The following LRP1B variants were observed in gnomAD, a reference collection of about 807,000 sequenced individuals.
The protein encoded by LRP1B is low-density lipoprotein receptor-related protein 1B.
In LRP1B, 217 loss-of-function variants were observed where a neutral mutation model predicts 556.6. The observed-to-expected ratio is 0.39, with a 90% confidence interval of 0.35 to 0.44. The LOEUF is 0.44. Among genes scored for constraint, LRP1B ranks in the 20% least tolerant of loss-of-function variants. The pLI is 1.00. For synonymous variants in LRP1B, 2,047 were observed against 1,865.8 expected, an observed-to-expected ratio of 1.10 and a Z score of -2.50; for missense variants, 5,053 against 5,620.8, an observed-to-expected ratio of 0.90 and a Z score of 3.23.
chr2:140,592,255 A>C (rs192342908), intron 43 of LRP1B, among the ~76,000 whole-genome samples: 39 of 152,300 alleles, frequency 2.6e-4, no homozygotes, highest in African/African-American at 8.9e-4. Context: ...CACTGGCTCT[A>C]ATAGAGAGTT....
chr2:141,648,820 C>A (rs1689678354), intron 2 of LRP1B, among the ~76,000 whole-genome samples: 1 of 152,142 alleles, frequency 6.6e-6, no homozygotes, highest in Non-Finnish European at 1.5e-5. Context: ...TCGAGGACAC[C>A]CTTCTCGGAT....
chr2:141,087,195 A>ATT (rs1251211730), intron 7 of LRP1B, among the ~76,000 whole-genome samples: 446 of 31,406 alleles, frequency 0.014, 2 homozygotes, highest in Non-Finnish European at 0.023. Context: ...AGTGAGTATT[A>ATT]TGCTGGTACC....
intron 2 of LRP1B, among the ~76,000 whole-genome samples, chr2:141,485,988 A>T (rs115377554): frequency 0.014 from 2,061 of 152,250 alleles, 18 homozygotes; most frequent in Non-Finnish European, 0.023. Flanking sequence ...CGAGGTGACC[A>T]GGTAGTGTAG....
At chr2:140,832,775 A>G (rs1467107781) in intron 31 of LRP1B, among the ~76,000 whole-genome samples, 1 of 152,168 alleles carries the variant, frequency 6.6e-6, no homozygotes, top group East Asian at 1.9e-4. Flanking sequence ...GAAAATTTGG[A>G]CAATCGGTAC....
At chr2:140,663,208 C>A (rs78343913) in intron 41 of LRP1B, among the ~76,000 whole-genome samples, 15,841 of 152,060 alleles carry the variant, frequency 0.1, 972 homozygotes, top group East Asian at 0.25. Context: ...CCCAAAATTC[C>A]TACTAAGATA....
intron 6 of LRP1B, among the ~76,000 whole-genome samples, chr2:141,197,791 A>G (rs1681818339): frequency 6.6e-6 from 1 of 152,096 alleles, no homozygotes; most frequent in African/African-American, 2.4e-5. Context: ...TCTTTAGTCA[A>G]TATTAAATAT....
chr2:140,579,478 A>C (rs1292758240), intron 43 of LRP1B, among the ~76,000 whole-genome samples: 4 of 152,306 alleles, frequency 2.6e-5, no homozygotes, highest in Admixed American at 2.6e-4. Context: ...ATTTGGACAC[A>C]TCTCCACACC....
intron 7 of LRP1B, among the ~76,000 whole-genome samples, chr2:141,177,978 C>A (rs1680811587): frequency 6.6e-6 from 1 of 152,000 alleles, no homozygotes; most frequent in South Asian, 2.1e-4. Flanking sequence ...TGCAAAGAAA[C>A]AAATTGAGCT....
At chr2:141,102,368 G>GT (rs1558862048) in intron 7 of LRP1B, among the ~76,000 whole-genome samples, 1 of 152,100 alleles carries the variant, frequency 6.6e-6, no homozygotes, top group East Asian at 1.9e-4. Context: ...ATCCTGAAAA[G>GT]TTTTTTCGAG....
At chr2:140,883,709 A>C in intron 25 of LRP1B, 108 bp downstream of exon 25, 2 of 612,462 alleles carry the variant, frequency 3.3e-6, no homozygotes, top group Non-Finnish European at 2.5e-6. Context: ...ATACATGGGC[A>C]CAAAATAACC....
intron 17 of LRP1B, among the ~76,000 whole-genome samples, chr2:140,986,007 ATAT>A (rs1312760690): frequency 2.6e-5 from 4 of 151,574 alleles, no homozygotes; most frequent in Non-Finnish European, 5.9e-5. Flanking sequence ...ATTTCTGGAC[ATAT>A]TATAATACTA....
chr2:142,041,498 TATGA>T (rs1704064466), intron 1 of LRP1B, among the ~76,000 whole-genome samples: 1 of 151,500 alleles, frequency 6.6e-6, no homozygotes, highest in Non-Finnish European at 1.5e-5. Flanking sequence ...AAACCGTATT[TATGA>T]ATGAAGAAAC....
intron 41 of LRP1B, among the ~76,000 whole-genome samples, chr2:140,645,546 T>TC (rs1213210369): frequency 7.2e-6 from 1 of 138,846 alleles, no homozygotes; most frequent in East Asian, 2.0e-4. Context: ...TTTTTTTTTT[T>TC]TTTTTTTTTT....
At chr2:140,279,765 C>T (rs1682835328) in intron 84 of LRP1B, among the ~76,000 whole-genome samples, 1 of 151,786 alleles carries the variant, frequency 6.6e-6, no homozygotes, top group African/African-American at 2.4e-5. Flanking sequence ...TCTATAAGCT[C>T]TGAAGAAAAA....
intron 12 of LRP1B, among the ~76,000 whole-genome samples, chr2:141,017,720 C>T (rs556990109): frequency 3.6e-4 from 54 of 151,818 alleles, no homozygotes; most frequent in African/African-American, 1.3e-3. Flanking sequence ...GTGGGCCAGG[C>T]ACCATGGCTC....
chr2:141,975,467 G>A (rs1701859635), intron 1 of LRP1B, among the ~76,000 whole-genome samples: 1 of 151,958 alleles, frequency 6.6e-6, no homozygotes, highest in Non-Finnish European at 1.5e-5. Context: ...GCTATCCCAG[G>A]CAAAGCCACA....
intron 21 of LRP1B, among the ~76,000 whole-genome samples, chr2:140,919,117 A>T (rs1377918940): frequency 6.6e-6 from 1 of 151,888 alleles, no homozygotes; most frequent in Non-Finnish European, 1.5e-5. Context: ...TTATTTTGTA[A>T]TGACTGATTT....
chr2:141,185,285 A>C (rs1199189627), intron 7 of LRP1B, among the ~76,000 whole-genome samples: 1 of 152,038 alleles, frequency 6.6e-6, no homozygotes, highest in Non-Finnish European at 1.5e-5. Context: ...TCTCAGTAAG[A>C]CTGACTCCAG....
In LRP1B at chr2:140,516,814, A is replaced by G. The variant is rs182161361; in HGVS notation, c.8149+75T>C. The G allele has an allele frequency of 1.0e-3, 1,341 of 1,335,406 alleles. 11 individuals are homozygous for G. In the African/African-American group the frequency reaches 0.018, roughly 18 times the overall value. 82.7% of individuals were successfully genotyped at this position (1,335,406 alleles called of 1,614,324 possible). On this transcript the variant is annotated intron_variant, in intron 50 of 90. Coordinates refer to ENST00000389484, the MANE Select transcript of LRP1B (RefSeq NM_018557.3). Reference sequence around the variant, plus strand: ...ATCAGCTGACAATGTTTTGTATAAAATCCCTACATAAGAGAATACTAACAT... The same window carrying G: ...ATCAGCTGACAATGTTTTGTATAAAGTCCCTACATAAGAGAATACTAACAT...
Sources: gnomAD v4.1 joint callset for allele counts (sites outside exome capture counted in the v4.1 genomes callset) on GRCh38, gnomAD v4.1.1 for gene constraint, MANE v1.5 for transcripts, NCBI Gene and HGNC (gene_info 2026-07-23, HGNC 2026-07-21) for gene names.